C12orf50: variants seen among roughly 807,000 people sequenced by gnomAD.
The protein encoded by C12orf50 is uncharacterized protein C12orf50.
In C12orf50, 35 loss-of-function variants were observed where a neutral mutation model predicts 61.6. The ratio of observed to expected loss-of-function variants is 0.57; its 90% CI spans 0.43 to 0.75. The LOEUF (loss-of-function observed/expected upper bound fraction) is 0.75, where lower values mean the gene tolerates loss of function less well. Ranked by LOEUF, C12orf50 falls within the 30% of genes least tolerant of loss-of-function variation. The probability of loss-of-function intolerance (pLI) is 0.00; values close to 1 mark genes in which losing one functional copy is unlikely to be tolerated. For missense variants in C12orf50, 475 were observed against 488.5 expected, an observed-to-expected ratio of 0.97 and a Z score of 0.26; for synonymous variants, 178 against 161.5, an observed-to-expected ratio of 1.10 and a Z score of -0.77.
In C12orf50 at chr12:87,996,555, GT is replaced by G. The variant is rs1271803403; in HGVS notation, c.367+13del. ...ATCAAGTATTAGAAAATACAAAAAT[GT>G]TTGATTTCTTACCAGATTTATAACA... is the stretch of plus-strand genomic sequence containing the variant. On this transcript the variant is annotated intron_variant, in intron 5 of 12. Transcript: ENST00000298699. 1.2e-6 allele frequency: 2 copies of G among 1,600,730 alleles called. No individual in the cohort carries two copies. Among genetic ancestry groups the G allele is most frequent in the Admixed American group, 1.7e-5 (1 of 59,820 alleles).
intron 3 of C12orf50, among the ~76,000 whole-genome samples, chr12:88,002,760 T>G (rs1249815838): frequency 6.6e-6 from 1 of 151,740 alleles, no homozygotes; most frequent in African/African-American, 2.4e-5. Context: ...ATGTTTCATG[T>G]TCTGCTGTTT....
chr12:87,987,959 C>T lies in C12orf50; in HGVS notation c.708G>A (p.Lys236=). The T allele has an allele frequency of 6.3e-7, 1 of 1,583,562 alleles. No individual in the cohort carries two copies. The highest frequency in any genetic ancestry group is 1.1e-5 in the South Asian group (1 of 87,302). The change falls in exon 9 of 13, where the codon AAG becomes AAA. Residue 236 remains lysine (K), a synonymous_variant. Coordinates refer to ENST00000298699, the MANE Select transcript of C12orf50 (RefSeq NM_152589.3). The part of the protein sequence containing the change: ...ISKCSNTKDN[K]DSPHPKHSLT... Reference sequence around the variant, plus strand: ...GGGAATGCTTTGGATGAGGACTGTCCTTGTTATCTTTTAAAGCAAATTAAG... The same window carrying T: ...GGGAATGCTTTGGATGAGGACTGTCTTTGTTATCTTTTAAAGCAAATTAAG...
intron 1 of C12orf50, among the ~76,000 whole-genome samples, chr12:88,027,341 T>C (rs866117068): frequency 6.6e-6 from 1 of 152,194 alleles, no homozygotes; most frequent in African/African-American, 2.4e-5. Context: ...TCCATATGGT[T>C]CACTAGGAAT....
intron 3 of C12orf50, among the ~76,000 whole-genome samples, chr12:88,009,078 C>T (rs1259863689): frequency 1.3e-5 from 2 of 152,064 alleles, no homozygotes; most frequent in Non-Finnish European, 2.9e-5. Context: ...TAGCCTTTGG[C>T]CATTACAAAC....
chr12:87,986,135 T>G lies in C12orf50; in HGVS notation c.923-82A>C, dbSNP rs1373166194. The G allele has an allele frequency of 6.8e-6, 10 of 1,466,156 alleles. No homozygotes were observed. The East Asian group carries it at 2.1e-4, about 30-fold the overall frequency. The allele number at this position is 1,466,156 out of a possible 1,614,324, so 90.8% of individuals were successfully genotyped here. ...AATAACATATTGCACTGCAAATACTTCATAGCATAATGGAAGCCAATAGAA... is the reference window on the plus strand; with the variant it reads ...AATAACATATTGCACTGCAAATACTGCATAGCATAATGGAAGCCAATAGAA... On this transcript the variant is annotated intron_variant, in intron 10 of 12. Transcript: ENST00000298699.
chr12:88,010,926 G>T (rs2032085784), intron 3 of C12orf50, among the ~76,000 whole-genome samples: 2 of 152,000 alleles, frequency 1.3e-5, no homozygotes, highest in African/African-American at 4.8e-5. Flanking sequence ...TATCTTCATT[G>T]ATTTGAGCAA....
At chr12:87,996,318 T>C (rs1315977955) in intron 6 of C12orf50, 56 bp downstream of exon 6, 1 of 1,185,144 alleles carries the variant, frequency 8.4e-7, no homozygotes, top group African/African-American at 1.5e-5. Context: ...TAATTCAGTC[T>C]ATCACACCAA....
chr12:88,019,527 G>A (rs1404125557), intron 3 of C12orf50, among the ~76,000 whole-genome samples: 1 of 151,936 alleles, frequency 6.6e-6, no homozygotes, highest in Non-Finnish European at 1.5e-5. Flanking sequence ...GAGCTAACAG[G>A]GCACTAGATC....
intron 12 of C12orf50, 85 bp from the exon 13 acceptor site, chr12:87,980,441 G>A (rs577468528): frequency 1.6e-4 from 190 of 1,197,938 alleles, no homozygotes; most frequent in Non-Finnish European, 1.7e-4. Context: ...ATTACTTGCC[G>A]TAAATCTAAA....
intron 7 of C12orf50, 80 bp downstream of exon 7, chr12:87,994,553 A>C: frequency 9.2e-7 from 1 of 1,087,430 alleles, no homozygotes; most frequent in Non-Finnish European, 1.4e-6. Context: ...AAAAAAGAAA[A>C]TTAGTTGTAA....
chr12:88,005,862 G>C (rs1450096725), intron 3 of C12orf50, among the ~76,000 whole-genome samples: 1 of 148,612 alleles, frequency 6.7e-6, no homozygotes, highest in South Asian at 2.2e-4. Flanking sequence ...TAATAGATCA[G>C]AAGTAGTAGA....
At chr12:87,996,900 T>C (rs530507523) in intron 4 of C12orf50, among the ~76,000 whole-genome samples, 1 of 152,292 alleles carries the variant, frequency 6.6e-6, no homozygotes, top group South Asian at 2.1e-4. Context: ...AGACTCAATG[T>C]TGAGATGGTG....
intron 3 of C12orf50, among the ~76,000 whole-genome samples, chr12:88,025,828 G>A (rs1463444927): frequency 6.6e-6 from 1 of 152,114 alleles, no homozygotes; most frequent in Non-Finnish European, 1.5e-5. Context: ...CAAGCATCAG[G>A]GAAACCTAAT....
intron 3 of C12orf50, among the ~76,000 whole-genome samples, chr12:88,010,679 C>T (rs910161489): frequency 6.6e-6 from 1 of 151,560 alleles, no homozygotes; most frequent in Non-Finnish European, 1.5e-5. Flanking sequence ...AAAATAAAGA[C>T]CACTGCTCAT....
intron 3 of C12orf50, among the ~76,000 whole-genome samples, chr12:88,010,106 T>G (rs1179012868): frequency 6.6e-6 from 1 of 152,024 alleles, no homozygotes; most frequent in Non-Finnish European, 1.5e-5. Flanking sequence ...GTGGTTATCA[T>G]GTTCACCTAA....
At chr12:88,004,214 T>C (rs2031764802) in intron 3 of C12orf50, among the ~76,000 whole-genome samples, 1 of 152,192 alleles carries the variant, frequency 6.6e-6, no homozygotes, top group Admixed American at 6.5e-5. Flanking sequence ...GGACATATTA[T>C]AATTACTGCT....
chr12:87,983,428 C>T lies in C12orf50; in HGVS notation c.1127-233G>A, dbSNP rs2030626635. ...TTATTATACTTTAAGTTTTAGGGTA[C>T]ATGTGCACAATGTGCAGGTTAGTTA... On this transcript the variant is annotated intron_variant, in intron 11 of 12. Transcript: ENST00000298699. 17 of 254,252 alleles carry T rather than the reference C, an allele frequency of 6.7e-5. 1 individual carries two copies. The South Asian group carries it at 1.1e-3, about 16-fold the overall frequency. The allele number at this position is 254,252 out of a possible 1,614,324, so 15.7% of individuals were successfully genotyped here.
chr12:88,014,346 G>A (rs745389386), intron 3 of C12orf50, among the ~76,000 whole-genome samples: 18 of 152,036 alleles, frequency 1.2e-4, no homozygotes, highest in Non-Finnish European at 2.5e-4. Context: ...CTGTTGCCCA[G>A]GCTGGAGTGC....
Position 87,996,438 on chromosome 12 carries a change from G to A in C12orf50, c.417C>T (p.Ser139=). 1 of 1,613,300 alleles carries A rather than the reference G, an allele frequency of 6.2e-7. No individual in the cohort carries two copies. Among genetic ancestry groups the A allele is most frequent in the Non-Finnish European group, 8.5e-7 (1 of 1,179,514 alleles). The change falls in exon 6 of 13, where the codon AGC becomes AGT. Residue 139 remains serine (S), a synonymous_variant. Coordinates refer to ENST00000298699, the MANE Select transcript of C12orf50 (RefSeq NM_152589.3). ...HTPPDILSSK[S]MTPTAEKQLE... is the part of the protein sequence containing the mutation. ...ACTGTTTTTCTGCTGTAGGTGTCAT[G>A]CTTTTTGATGACAAAATATCTGGAG... is the stretch of plus-strand genomic sequence containing the variant.
Sources: gnomAD v4.1 joint callset for allele counts (sites outside exome capture counted in the v4.1 genomes callset) on GRCh38, gnomAD v4.1.1 for gene constraint, MANE v1.5 for transcripts, NCBI Gene and HGNC (gene_info 2026-07-23, HGNC 2026-07-21) for gene names.